NDUFAF2: variants seen among roughly 807,000 people sequenced by gnomAD.
NDUFAF2 encodes the protein NADH:ubiquinone oxidoreductase complex assembly factor 2.
Under a neutral mutation model 22.8 loss-of-function variants are expected in NDUFAF2, and 13 were observed. That is an observed-to-expected ratio of 0.57 (90% CI 0.37 to 0.91). The LOEUF (loss-of-function observed/expected upper bound fraction) is 0.91. Ranked by LOEUF, NDUFAF2 falls within the 40% of genes least tolerant of loss-of-function variation. The pLI is 0.01. For synonymous variants in NDUFAF2, 53 were observed against 64.2 expected, an observed-to-expected ratio of 0.83 and a Z score of 0.84; for missense variants, 162 against 195.2, an observed-to-expected ratio of 0.83 and a Z score of 1.01.
At chr5:61,090,431 TC>T (rs1752552568) in intron 2 of NDUFAF2, among the ~76,000 whole-genome samples, 1 of 152,090 alleles carries the variant, frequency 6.6e-6, no homozygotes, top group African/African-American at 2.4e-5. Context: ...GAAATACTGT[TC>T]GTCTTTTGAT....
At chr5:60,997,497 G>C (rs1180282564) in intron 1 of NDUFAF2, among the ~76,000 whole-genome samples, 1 of 152,170 alleles carries the variant, frequency 6.6e-6, no homozygotes, top group Non-Finnish European at 1.5e-5. Flanking sequence ...TAAAGATGCT[G>C]CTAACGATGG....
intron 1 of NDUFAF2, among the ~76,000 whole-genome samples, chr5:60,988,300 C>T (rs1298296895): frequency 6.6e-6 from 1 of 152,082 alleles, no homozygotes; most frequent in Non-Finnish European, 1.5e-5. Context: ...AATGAGAAAA[C>T]ATTTCGTGTT....
rs568952613 is a variant in NDUFAF2, at chr5:60,961,462, G to T, written c.127+16080G>T. ...TACAAAAAATTAGCCGGGCATGGTG[G>T]CGGGTGCCTGTAGTCCCAGCTACTC... On this transcript the variant is annotated intron_variant, in intron 1 of 3. Transcript: ENST00000296597. 2.2e-4 allele frequency among the ~76,000 whole-genome samples: 34 copies of T among 152,156 alleles called. No individual in the cohort carries two copies. In the Middle Eastern group the frequency reaches 0.017, roughly 76 times the overall value.
chr5:61,061,942 C>T (rs571407614), intron 1 of NDUFAF2, among the ~76,000 whole-genome samples: 2 of 152,332 alleles, frequency 1.3e-5, no homozygotes, highest in East Asian at 3.9e-4. Flanking sequence ...GAAGTTATTT[C>T]CAACATTGGT....
chr5:61,080,789 T>A (rs988646502), intron 2 of NDUFAF2, among the ~76,000 whole-genome samples: 1 of 152,018 alleles, frequency 6.6e-6, no homozygotes, highest in East Asian at 1.9e-4. Context: ...AGTCTATGGC[T>A]TGTCTTTTCA....
rs374995389 is a variant in NDUFAF2 at position 61,095,082 on chromosome 5, G to A, written c.218-3910G>A. Among the ~76,000 whole-genome samples, 7 of 152,206 alleles carry A rather than the reference G, an allele frequency of 4.6e-5. No homozygotes were observed. The East Asian group carries it at 5.8e-4, about 13-fold the overall frequency. On this transcript the variant is annotated intron_variant, in intron 2 of 3. Transcript: ENST00000296597. Reference sequence around the variant, plus strand: ...CTGGAATGGCTATGTCACCGAAACAGCAAAGATGGCGGCCTAACTCTCCCT... The same window carrying A: ...CTGGAATGGCTATGTCACCGAAACAACAAAGATGGCGGCCTAACTCTCCCT...
intron 1 of NDUFAF2, among the ~76,000 whole-genome samples, chr5:61,037,010 C>T (rs1751808279): frequency 6.6e-6 from 1 of 151,978 alleles, no homozygotes; most frequent in African/African-American, 2.4e-5. Flanking sequence ...ATCTATTTGG[C>T]CAGTATTATT....
intron 3 of NDUFAF2, among the ~76,000 whole-genome samples, chr5:61,135,945 C>A (rs1368813229): frequency 1.4e-5 from 2 of 145,362 alleles, no homozygotes; most frequent in Admixed American, 1.4e-4. Flanking sequence ...CCACTATCCC[C>A]ATTTACAGTG....
chr5:61,101,710 T>G (rs1339294055), intron 3 of NDUFAF2, among the ~76,000 whole-genome samples: 1 of 152,130 alleles, frequency 6.6e-6, no homozygotes, highest in Non-Finnish European at 1.5e-5. Context: ...CCAGCAGCCA[T>G]TAGAATGTCA....
intron 1 of NDUFAF2, among the ~76,000 whole-genome samples, chr5:60,993,763 GGTA>G (rs1409419614): frequency 3.3e-5 from 5 of 152,186 alleles, no homozygotes; most frequent in Non-Finnish European, 5.9e-5. Flanking sequence ...TCCTGGAGTG[GGTA>G]GTTCCTCTTT....
intron 1 of NDUFAF2, among the ~76,000 whole-genome samples, chr5:61,022,142 G>A (rs1304912073): frequency 3.3e-5 from 5 of 152,104 alleles, no homozygotes; most frequent in African/African-American, 9.7e-5. Context: ...TCTGAATAAC[G>A]TTTGTCCAGG....
At chr5:61,102,417 C>T (rs1752714981) in intron 3 of NDUFAF2, among the ~76,000 whole-genome samples, 2 of 151,940 alleles carry the variant, frequency 1.3e-5, no homozygotes, top group Admixed American at 1.3e-4. Flanking sequence ...CAAAACAACA[C>T]AATTAGGAAT....
intron 3 of NDUFAF2, among the ~76,000 whole-genome samples, chr5:61,151,829 A>C (rs1032525864): frequency 6.6e-6 from 1 of 152,154 alleles, no homozygotes; most frequent in Non-Finnish European, 1.5e-5. Context: ...AAACAACAAC[A>C]ACAACAAAAC....
chr5:61,108,386 T>C (rs922306490), intron 3 of NDUFAF2, among the ~76,000 whole-genome samples: 2 of 150,952 alleles, frequency 1.3e-5, no homozygotes, highest in Admixed American at 6.6e-5. Flanking sequence ...TTTTAATGAT[T>C]GCCATTGTAA....
intron 3 of NDUFAF2, among the ~76,000 whole-genome samples, chr5:61,112,431 C>T (rs1252927788): frequency 1.3e-5 from 2 of 152,060 alleles, no homozygotes; most frequent in East Asian, 3.9e-4. Context: ...CCGGGATGGT[C>T]TCGATCTTCT....
At chr5:61,107,025 T>C (rs1752773038) in intron 3 of NDUFAF2, among the ~76,000 whole-genome samples, 1 of 124,350 alleles carries the variant, frequency 8.0e-6, no homozygotes, top group African/African-American at 3.0e-5. Context: ...ATATTCTGAT[T>C]TCCTTTCCTT....
At chr5:61,073,700 A>G (rs1008813096) in intron 2 of NDUFAF2, among the ~76,000 whole-genome samples, 2 of 152,166 alleles carry the variant, frequency 1.3e-5, no homozygotes, top group Admixed American at 6.5e-5. Flanking sequence ...ACTGCCTGTT[A>G]AGACAAGGAT....
chr5:61,035,368 TA>T (rs1266938431), intron 1 of NDUFAF2, among the ~76,000 whole-genome samples: 1 of 149,546 alleles, frequency 6.7e-6, no homozygotes, highest in Non-Finnish European at 1.5e-5. Context: ...ACCCAGCCAA[TA>T]GTGTATTTTT....
chr5:61,057,258 AAT>A (rs1752111623), intron 1 of NDUFAF2, among the ~76,000 whole-genome samples: 1 of 152,092 alleles, frequency 6.6e-6, no homozygotes, highest in Non-Finnish European at 1.5e-5. Flanking sequence ...GCAAGCCTTA[AAT>A]CAAGTTCTAG....
Sources: allele counts gnomAD v4.1 joint callset (sites outside exome capture counted in the v4.1 genomes callset), GRCh38; gene constraint gnomAD v4.1.1; transcripts MANE v1.5; gene names NCBI Gene and HGNC (gene_info 2026-07-23, HGNC 2026-07-21).